Variants in ASPH observed in about 807,000 individuals in gnomAD.
The protein encoded by ASPH is aspartate beta-hydroxylase.
In ASPH, 100 loss-of-function variants were observed where a neutral mutation model predicts 118.4. The observed-to-expected ratio is 0.84, with a 90% CI of 0.72 to 1.00. The LOEUF is 1.00. Among genes scored for constraint, ASPH ranks in the 50% least tolerant of loss-of-function variants. The pLI, the probability that ASPH is intolerant of heterozygous loss-of-function variation, is 0.00. For missense variants in ASPH, 920 were observed against 919.5 expected (o/e 1.00, Z -0.01); for synonymous variants, 315 against 325.6 (o/e 0.97, Z 0.35).
chr8:61,551,487 T>C (rs1825985834), intron 20 of ASPH, among the ~76,000 whole-genome samples: 1 of 152,252 alleles, frequency 6.6e-6, no homozygotes, highest in Non-Finnish European at 1.5e-5. Context: ...CTGAACTTTT[T>C]AAATTCAAGA....
intron 21 of ASPH, among the ~76,000 whole-genome samples, chr8:61,537,776 G>A (rs1313011068): frequency 6.6e-6 from 1 of 152,064 alleles, no homozygotes; most frequent in South Asian, 2.1e-4. Flanking sequence ...AATATCAAAC[G>A]TTGTGCTGTA....
At chr8:61,664,767 TGGTGGCAC>T in intron 3 of ASPH, 3 of 985,454 alleles carry the variant, frequency 3.0e-6, no homozygotes. Flanking sequence ...GGAGGGAAGG[TGGTGGCAC>T]ATGAGCCTGG....
intron 21 of ASPH, among the ~76,000 whole-genome samples, chr8:61,528,387 CTTGTTTA>C (rs952139636): frequency 3.3e-5 from 5 of 152,230 alleles, no homozygotes; most frequent in African/African-American, 1.2e-4. Context: ...GATATTGTCA[CTTGTTTA>C]AGTTGCTAGA....
intron 3 of ASPH, chr8:61,659,127 A>G (rs1431228202): frequency 6.6e-6 from 1 of 152,288 alleles, no homozygotes; most frequent in African/African-American, 2.4e-5. Flanking sequence ...CGTTCTAGGC[A>G]GAGGGACTAG....
At chr8:61,543,117 T>C (rs915175291) in intron 21 of ASPH, among the ~76,000 whole-genome samples, 1 of 152,212 alleles carries the variant, frequency 6.6e-6, no homozygotes, top group Non-Finnish European at 1.5e-5. Context: ...TGTTTCTGAG[T>C]TTATCCTCCT....
In ASPH at chr8:61,653,534, C is replaced by G. The variant is rs10104313; in HGVS notation, c.415+34G>C. On this transcript the variant is annotated intron_variant, in intron 4 of 24. Transcript: ENST00000379454. ...CGGATACCTGTCAGGCTCTGGCACA[C>G]CTGGGCGAGACTCGAGGATGAGGAC... The G allele has an allele frequency of 1.1e-3, 1,772 of 1,604,262 alleles. 18 individuals carry two copies. In the African/African-American group the frequency reaches 0.02, roughly 18 times the overall value.
chr8:61,547,777 T>A (rs1288930231), intron 21 of ASPH, among the ~76,000 whole-genome samples: 1 of 152,086 alleles, frequency 6.6e-6, no homozygotes, highest in African/African-American at 2.4e-5. Flanking sequence ...GTCTAATGAT[T>A]ATATTGGTAG....
At chr8:61,540,535 C>T (rs1238281824) in intron 21 of ASPH, among the ~76,000 whole-genome samples, 10 of 152,136 alleles carry the variant, frequency 6.6e-5, no homozygotes, top group Non-Finnish European at 8.8e-5. Flanking sequence ...GCCAATTAAA[C>T]CTTTTTTCTT....
intron 1 of ASPH, among the ~76,000 whole-genome samples, chr8:61,687,951 T>A (rs1725581622): frequency 6.6e-6 from 1 of 152,144 alleles, no homozygotes; most frequent in Non-Finnish European, 1.5e-5. Context: ...GAAGGGATTC[T>A]TTTTTAAGAC....
chr8:61,525,846 T>C, intron 22 of ASPH, 131 bp downstream of exon 22: 1 of 1,278,422 alleles, frequency 7.8e-7, no homozygotes, highest in Non-Finnish European at 1.1e-6. Flanking sequence ...TTCAAAAATC[T>C]AGGTTTTTTT....
intron 1 of ASPH, among the ~76,000 whole-genome samples, chr8:61,705,280 AG>A (rs1489601900): frequency 6.6e-6 from 1 of 152,152 alleles, no homozygotes; most frequent in Non-Finnish European, 1.5e-5. Flanking sequence ...AGATCAAAAA[AG>A]CTACTCAGCA....
intron 21 of ASPH, among the ~76,000 whole-genome samples, chr8:61,546,451 T>C (rs936560712): frequency 5.9e-5 from 9 of 152,100 alleles, no homozygotes; most frequent in Non-Finnish European, 1.3e-4. Context: ...AGGGTGAAAT[T>C]TGACAAAAAC....
At chr8:61,564,775 C>T (rs1587237697) in intron 17 of ASPH, among the ~76,000 whole-genome samples, 1 of 152,196 alleles carries the variant, frequency 6.6e-6, no homozygotes. Flanking sequence ...GACTTTAGTC[C>T]TATTTTATTT....
intron 3 of ASPH, chr8:61,656,999 C>T (rs568699445): frequency 3.9e-5 from 6 of 152,278 alleles, no homozygotes; most frequent in Admixed American, 3.9e-4. Flanking sequence ...AGGCATTATT[C>T]TACAGTAAAT....
chr8:61,532,863 G>A (rs1191990639), intron 21 of ASPH, among the ~76,000 whole-genome samples: 3 of 152,142 alleles, frequency 2.0e-5, no homozygotes, highest in African/African-American at 7.2e-5. Context: ...AGTTTATAAA[G>A]CTTTTCTCAA....
chr8:61,661,905 A>G, intron 3 of ASPH: 1 of 453,762 alleles, frequency 2.2e-6, no homozygotes, highest in Non-Finnish European at 3.9e-6. Flanking sequence ...TGAGACGATC[A>G]TCTATATACA....
rs1453691159 is a variant in ASPH at position 61,664,916 on chromosome 8, A to G, written c.323-11256T>C. On this transcript the variant is annotated intron_variant, in intron 3 of 24. Coordinates refer to ENST00000379454, the MANE Select transcript of ASPH (RefSeq NM_004318.4). The stretch of plus-strand genomic sequence containing the variant: ...ACAAGGCATTATGCACAGAAATAAC[A>G]TTTAAAATCTTAATATTCTTATTTA... 3 of 1,044,942 alleles carry G rather than the reference A, an allele frequency of 2.9e-6. No individual in the cohort carries two copies. In the Admixed American group the frequency reaches 1.7e-4, roughly 58 times the overall value. The allele number at this position is 1,044,942 out of a possible 1,614,324, so 64.7% of individuals were successfully genotyped here.
chr8:61,592,852 C>G (rs369112967), intron 14 of ASPH, among the ~76,000 whole-genome samples: 21 of 152,276 alleles, frequency 1.4e-4, no homozygotes, highest in African/African-American at 4.8e-4. Context: ...AAAGAAACAT[C>G]ACTCTACATT....
At chr8:61,525,026 T>A (rs71525453) in intron 22 of ASPH, among the ~76,000 whole-genome samples, 1 of 152,176 alleles carries the variant, frequency 6.6e-6, no homozygotes, top group Non-Finnish European at 1.5e-5. Flanking sequence ...TTCTTTATGG[T>A]TCTCTCTCTT....
Sources: gnomAD v4.1 joint callset for allele counts (sites outside exome capture counted in the v4.1 genomes callset) on GRCh38, gnomAD v4.1.1 for gene constraint, MANE v1.5 for transcripts, NCBI Gene and HGNC (gene_info 2026-07-23, HGNC 2026-07-21) for gene names.